AFF2: variants seen among roughly 807,000 people sequenced by gnomAD.
AFF2 encodes the protein AF4/FMR2 family member 2.
A neutral mutation model predicts 76.9 loss-of-function variants in AFF2; 14 were observed. The observed-to-expected ratio is 0.18, with a 90% CI of 0.12 to 0.28. The LOEUF (loss-of-function observed/expected upper bound fraction) is 0.28. AFF2 is among the 10% of genes least tolerant of loss of function. AFF2 has a pLI of 1.00. For missense variants in AFF2, 868 were observed against 1,001.1 expected (o/e 0.87, Z 1.79); for synonymous variants, 398 against 366.7 (o/e 1.09, Z -0.98).
chrX:148,662,565 A>G lies in AFF2; in HGVS notation c.838A>G (p.Met280Val). The G allele has an allele frequency of 8.3e-7, 1 of 1,211,779 alleles. No individual in the cohort carries two copies. Among genetic ancestry groups the G allele is most frequent in the Admixed American group, 2.2e-5 (1 of 46,023 alleles). ...ACCAGGGCTTTACTGCAAAACAAGCATGGGGCAGCAAAAGCCAACTGCATA... is the reference window on the plus strand; with the variant it reads ...ACCAGGGCTTTACTGCAAAACAAGCGTGGGGCAGCAAAAGCCAACTGCATA... The part of the protein sequence containing the change: ...FPPGLYCKTS[M>V]GQQKPTAYVR... The change falls in exon 3 of 21, where the codon ATG becomes GTG. Residue 280 changes from methionine (M) to valine (V), a missense_variant. Met to Val is a conservative substitution (Grantham distance 21). Coordinates refer to ENST00000370460, the MANE Select transcript of AFF2 (RefSeq NM_002025.4).
chrX:148,534,792 C>A (rs2052766216), intron 1 of AFF2, among the ~76,000 whole-genome samples: 1 of 112,344 alleles, frequency 8.9e-6, no homozygotes, highest in African/African-American at 3.2e-5. Context: ...TCATTATCTT[C>A]CTTCCAGAAG....
At chrX:148,640,690 A>T (rs1569552469) in intron 1 of AFF2, among the ~76,000 whole-genome samples, 2 of 112,491 alleles carry the variant, frequency 1.8e-5, no homozygotes, top group Non-Finnish European at 3.8e-5. Flanking sequence ...AACCATTCAC[A>T]TGCTTATCTC....
intron 3 of AFF2, among the ~76,000 whole-genome samples, chrX:148,750,717 G>T: frequency 8.9e-6 from 1 of 112,033 alleles, no homozygotes; most frequent in South Asian, 3.7e-4. Context: ...AGTGTTAAAT[G>T]AAGTGTAATA....
At chrX:148,849,007 G>C (rs1258565221) in intron 7 of AFF2, among the ~76,000 whole-genome samples, 1 of 111,595 alleles carries the variant, frequency 9.0e-6, no homozygotes, top group Non-Finnish European at 1.9e-5. Flanking sequence ...GAATCAGCGT[G>C]TGGTCCTTGA....
At chrX:148,533,315 CGGAGTCTTGCT>C (rs2052749549) in intron 1 of AFF2, among the ~76,000 whole-genome samples, 1 of 109,268 alleles carries the variant, frequency 9.2e-6, no homozygotes, top group African/African-American at 3.3e-5. Flanking sequence ...TTTTTTGAGA[CGGAGTCTTGCT>C]CTGTTGCCCA....
intron 3 of AFF2, among the ~76,000 whole-genome samples, chrX:148,707,170 G>A (rs1557262461): frequency 8.9e-6 from 1 of 112,092 alleles, no homozygotes; most frequent in Non-Finnish European, 1.9e-5. Context: ...AAAATAGAAT[G>A]TGAATATACA....
intron 1 of AFF2, among the ~76,000 whole-genome samples, chrX:148,616,023 C>A (rs1421095859): frequency 4.5e-5 from 5 of 111,819 alleles, no homozygotes; most frequent in Admixed American, 1.9e-4. Context: ...CATAGAAAAT[C>A]AGTCTAAGAA....
At chrX:148,504,860 C>T (rs782661474) in intron 1 of AFF2, among the ~76,000 whole-genome samples, 1 of 110,958 alleles carries the variant, frequency 9.0e-6, no homozygotes, top group African/African-American at 3.3e-5. Flanking sequence ...ACAGGTCTTC[C>T]GAGGCCTCGT....
intron 7 of AFF2, among the ~76,000 whole-genome samples, chrX:148,867,657 T>C (rs1198094281): frequency 1.8e-5 from 2 of 112,182 alleles, no homozygotes; most frequent in Non-Finnish European, 3.8e-5. Flanking sequence ...ACACAGATGT[T>C]CATTCGGCTT....
intron 7 of AFF2, among the ~76,000 whole-genome samples, chrX:148,859,199 G>A (rs1479539712): frequency 9.5e-6 from 1 of 104,904 alleles, no homozygotes; most frequent in Non-Finnish European, 2.0e-5. Flanking sequence ...GAAAACAAAG[G>A]TAGTTTCCTA....
At chrX:148,876,304 G>C (rs1475306928) in intron 7 of AFF2, among the ~76,000 whole-genome samples, 1 of 112,107 alleles carries the variant, frequency 8.9e-6, no homozygotes, top group Non-Finnish European at 1.9e-5. Context: ...GTCAGAGTTT[G>C]AACTTGGGTC....
intron 8 of AFF2, among the ~76,000 whole-genome samples, chrX:148,889,319 G>A (rs782593808): frequency 9.0e-6 from 1 of 111,223 alleles, no homozygotes; most frequent in South Asian, 3.8e-4. Flanking sequence ...TGAGCCAGGT[G>A]ACAGGTCATG....
At chrX:148,582,375 C>T (rs782376259) in intron 1 of AFF2, among the ~76,000 whole-genome samples, 101 of 111,252 alleles carry the variant, frequency 9.1e-4, no homozygotes, top group Non-Finnish European at 1.6e-3. Flanking sequence ...TCTTGCTGCT[C>T]ATCAAAATTT....
intron 9 of AFF2, among the ~76,000 whole-genome samples, chrX:148,907,927 A>G (rs1557281622): frequency 9.1e-6 from 1 of 109,702 alleles, no homozygotes; most frequent in East Asian, 2.9e-4. Context: ...CCCCAAAGCG[A>G]CCATTTCAGA....
intron 3 of AFF2, among the ~76,000 whole-genome samples, chrX:148,724,948 T>C (rs1319762475): frequency 1.8e-5 from 2 of 111,591 alleles, no homozygotes; most frequent in Non-Finnish European, 3.8e-5. Flanking sequence ...AATATTATGG[T>C]TCTGGTCCTA....
intron 9 of AFF2, among the ~76,000 whole-genome samples, chrX:148,929,752 G>A (rs1469665929): frequency 8.9e-6 from 1 of 111,842 alleles, no homozygotes; most frequent in African/African-American, 3.3e-5. Flanking sequence ...AAAAACCAAA[G>A]ATGGGAGGAA....
chrX:148,900,698 T>A (rs1557280793), intron 8 of AFF2, among the ~76,000 whole-genome samples: 1 of 110,636 alleles, frequency 9.0e-6, no homozygotes, highest in Non-Finnish European at 1.9e-5. Context: ...AAATATGGAA[T>A]CATCCTAGGC....
At chrX:148,508,340 T>C (rs1557232751) in intron 1 of AFF2, among the ~76,000 whole-genome samples, 1 of 112,333 alleles carries the variant, frequency 8.9e-6, no homozygotes, top group Non-Finnish European at 1.9e-5. Flanking sequence ...ACGTATCTCC[T>C]GGAAATAAAT....
intron 2 of AFF2, among the ~76,000 whole-genome samples, chrX:148,660,341 A>G (rs1557257570): frequency 9.0e-6 from 1 of 111,281 alleles, no homozygotes; most frequent in African/African-American, 3.3e-5. Context: ...TTAAAGGTTG[A>G]TGCTTGCCAG....
Sources: gnomAD v4.1 joint callset for allele counts (sites outside exome capture counted in the v4.1 genomes callset) on GRCh38, gnomAD v4.1.1 for gene constraint, MANE v1.5 for transcripts, NCBI Gene and HGNC (gene_info 2026-07-23, HGNC 2026-07-21) for gene names.